SLC26A5: variants seen among roughly 807,000 people sequenced by gnomAD.
SLC26A5 encodes solute carrier family 26 member 5, also known as prestin.
SLC26A5 carries 51 observed loss-of-function variants against 81.0 expected under a neutral mutation model. The ratio of observed to expected loss-of-function variants is 0.63; its 90% CI spans 0.50 to 0.80. The LOEUF (loss-of-function observed/expected upper bound fraction) is 0.80, where lower values mean the gene tolerates loss of function less well. SLC26A5 is among the 30% of genes least tolerant of loss of function. The probability of loss-of-function intolerance (pLI) is 0.00; values close to 1 mark genes in which losing one functional copy is unlikely to be tolerated. For synonymous variants in SLC26A5, 325 were observed against 332.8 expected (o/e 0.98, Z 0.25); for missense variants, 771 against 905.8 (o/e 0.85, Z 1.91).
At chr7:103,397,757 GT>G (rs1823259486) in intron 9 of SLC26A5, among the ~76,000 whole-genome samples, 174 bp downstream of exon 9, 1 of 150,242 alleles carries the variant, frequency 6.7e-6, no homozygotes, top group Non-Finnish European at 1.5e-5. Context: ...TTTGTTATGT[GT>G]TTTTTACTAC....
intron 19 of SLC26A5, chr7:103,355,065 C>A (rs1819955078): frequency 1.4e-6 from 1 of 728,612 alleles, no homozygotes; most frequent in Non-Finnish European, 2.3e-6. Flanking sequence ...AATCATTATT[C>A]TTCCTTTCTG....
At chr7:103,400,692 G>A (rs1043142338) in intron 8 of SLC26A5, among the ~76,000 whole-genome samples, 4 of 152,054 alleles carry the variant, frequency 2.6e-5, no homozygotes, top group African/African-American at 9.7e-5. Flanking sequence ...GGGTTTTTAC[G>A]GTTTTAGGCC....
intron 4 of SLC26A5, among the ~76,000 whole-genome samples, chr7:103,413,332 AT>A (rs1163547790): frequency 6.6e-6 from 1 of 151,440 alleles, no homozygotes; most frequent in East Asian, 1.9e-4. Flanking sequence ...CCAGTGGGTG[AT>A]TTTTTTTTCT....
At chr7:103,357,367 T>G (rs1012599160) in intron 19 of SLC26A5, among the ~76,000 whole-genome samples, 1 of 151,362 alleles carries the variant, frequency 6.6e-6, no homozygotes, top group Non-Finnish European at 1.5e-5. Context: ...AGTTAAATAA[T>G]AACAACTGTA....
chr7:103,419,493 T>C (rs1825169851), intron 4 of SLC26A5, among the ~76,000 whole-genome samples: 1 of 151,992 alleles, frequency 6.6e-6, no homozygotes, highest in Non-Finnish European at 1.5e-5. Flanking sequence ...TTTCTCTCAT[T>C]CTTGACCTGA....
chr7:103,368,143 C>G (rs7792404), intron 19 of SLC26A5: 12,537 of 1,179,460 alleles, frequency 0.011, 82 homozygotes, highest in Non-Finnish European at 0.012. Flanking sequence ...AAATAAATGG[C>G]TTCAAAATTG....
At chr7:103,364,577 T>C (rs552271210) in intron 19 of SLC26A5, among the ~76,000 whole-genome samples, 1 of 152,038 alleles carries the variant, frequency 6.6e-6, no homozygotes, top group Non-Finnish European at 1.5e-5. Context: ...ACCCAGCTAA[T>C]TTTTCTATTT....
In SLC26A5 at chr7:103,380,444, C is replaced by T. The variant is rs532754740; in HGVS notation, c.1584+36G>A. 6 of 1,566,088 alleles carry T rather than the reference C, an allele frequency of 3.8e-6. No homozygotes were observed. The African/African-American group carries it at 6.8e-5, about 18-fold the overall frequency. ...AGTACTTAGCCAAGCACATCACATGCTTACAACCTTTTTAAGTGATAGAAA... is the reference window on the plus strand; with the variant it reads ...AGTACTTAGCCAAGCACATCACATGTTTACAACCTTTTTAAGTGATAGAAA... On this transcript the variant is annotated intron_variant, in intron 15 of 19. Transcript: ENST00000306312.
At chr7:103,431,401 C>T (rs567619868) in intron 2 of SLC26A5, among the ~76,000 whole-genome samples, 1 of 152,020 alleles carries the variant, frequency 6.6e-6, no homozygotes, top group African/African-American at 2.4e-5. Context: ...TGGCTCACTG[C>T]AGCCTCAACC....
At chr7:103,354,444 C>T (rs1269055774) in intron 19 of SLC26A5, among the ~76,000 whole-genome samples, 2 of 149,738 alleles carry the variant, frequency 1.3e-5, no homozygotes, top group Admixed American at 6.7e-5. Context: ...TCTTGGTTCA[C>T]TGCAACCTCC....
At chr7:103,418,497 C>T (rs771807405) in intron 4 of SLC26A5, among the ~76,000 whole-genome samples, 7 of 152,138 alleles carry the variant, frequency 4.6e-5, no homozygotes, top group Non-Finnish European at 8.8e-5. Context: ...ATCCGCTCCT[C>T]ACCCTGCCCT....
intron 2 of SLC26A5, among the ~76,000 whole-genome samples, chr7:103,432,785 C>T (rs1421273819): frequency 2.0e-5 from 3 of 152,000 alleles, no homozygotes; most frequent in East Asian, 1.9e-4. Flanking sequence ...AGGAGTGGTT[C>T]TGTGGATGTT....
In SLC26A5 at chr7:103,389,922, G is replaced by A. The variant is rs960170621; in HGVS notation, c.1312-498C>T. ...ATTACAGGTGTGAGCCACCACACCC[G>A]GCTGGAAATCATTCTTATATCCTAA... On this transcript the variant is annotated intron_variant, in intron 12 of 19. Coordinates refer to ENST00000306312, the MANE Select transcript of SLC26A5 (RefSeq NM_198999.3). 7.2e-5 allele frequency among the ~76,000 whole-genome samples: 11 copies of A among 152,218 alleles called. No individual in the cohort carries two copies. In the South Asian group the frequency reaches 8.3e-4, roughly 11 times the overall value.
rs555786846 is a variant in SLC26A5 at position 103,359,813 on chromosome 7, C to T, written c.2042-6887G>A. 2.6e-5 allele frequency among the ~76,000 whole-genome samples: 4 copies of T among 152,276 alleles called. No homozygotes were observed. The East Asian group carries it at 7.7e-4, about 29-fold the overall frequency. On this transcript the variant is annotated intron_variant, in intron 19 of 19. Transcript: ENST00000339444. Reference sequence around the variant, plus strand: ...GTTTTTGTTTGACTGGGCGCAGTGGCTCATGCCTGTAATCCCAGCACTTTG... The same window carrying T: ...GTTTTTGTTTGACTGGGCGCAGTGGTTCATGCCTGTAATCCCAGCACTTTG...
chr7:103,392,609 G>A (rs193004515), intron 10 of SLC26A5, among the ~76,000 whole-genome samples: 16 of 152,182 alleles, frequency 1.1e-4, no homozygotes, highest in Admixed American at 9.8e-4. Context: ...GCAGAGTCTC[G>A]CTCTGTCGCC....
chr7:103,357,054 G>A lies in SLC26A5; in HGVS notation c.2042-4128C>T, dbSNP rs140019710. The stretch of plus-strand genomic sequence containing the variant: ...GGGTTAAATAGTTCAGGCTGGGCAC[G>A]GCAGCTCACGCCTGTAATCCCAGCA... On this transcript the variant is annotated intron_variant, in intron 19 of 19. Coordinates refer to the SLC26A5 transcript ENST00000339444. Among the ~76,000 whole-genome samples the A allele has an allele frequency of 2.2e-3, 339 of 152,122 alleles. 3 individuals carry two copies. Among genetic ancestry groups the A allele is most frequent in the African/African-American group, 7.9e-3 (327 of 41,478 alleles).
At chr7:103,383,702 T>A (rs1821963299) in intron 14 of SLC26A5, among the ~76,000 whole-genome samples, 1 of 152,134 alleles carries the variant, frequency 6.6e-6, no homozygotes. Flanking sequence ...AGAGATGGGA[T>A]CTTATTCTGT....
intron 2 of SLC26A5, among the ~76,000 whole-genome samples, chr7:103,442,188 C>G (rs1826931418): frequency 6.6e-6 from 1 of 151,998 alleles, no homozygotes; most frequent in South Asian, 2.1e-4. Flanking sequence ...GTTGCCCAGG[C>G]TGGAGTATAG....
chr7:103,443,780 AC>A (rs1435373366), intron 1 of SLC26A5, among the ~76,000 whole-genome samples: 9 of 152,200 alleles, frequency 5.9e-5, no homozygotes, highest in African/African-American at 1.7e-4. Context: ...TTGTGAATTT[AC>A]CCACATTGCT....
Sources: allele counts gnomAD v4.1 joint callset (sites outside exome capture counted in the v4.1 genomes callset), GRCh38; gene constraint gnomAD v4.1.1; transcripts MANE v1.5; gene names NCBI Gene and HGNC (gene_info 2026-07-23, HGNC 2026-07-21).